TOR2A: variants seen among roughly 807,000 people sequenced by gnomAD.
The protein encoded by TOR2A is prosalusin.
Under a neutral mutation model 28.6 loss-of-function variants are expected in TOR2A, and 24 were observed. That is an observed-to-expected ratio of 0.84 (90% CI 0.61 to 1.18). The LOEUF is 1.18. Ranked by LOEUF, TOR2A falls within the 50% of genes most tolerant of loss-of-function variation. The probability of loss-of-function intolerance (pLI) is 0.00; values close to 1 mark genes in which losing one functional copy is unlikely to be tolerated. For missense variants in TOR2A, 426 were observed against 448.1 expected (o/e 0.95, Z 0.45); for synonymous variants, 203 against 203.1 (o/e 1.00, Z 0.00).
Position 127,735,198 on chromosome 9 carries a change from C to A in TOR2A, c.73G>T (p.Ala25Ser). Residue 25 changes from alanine (A) to serine (S), a missense_variant, in exon 1 of 5, where the codon GCC (alanine) becomes TCC (serine). By Grantham distance (99) the Ala-to-Ser change is moderately conservative. Coordinates refer to ENST00000373284, the MANE Select transcript of TOR2A (RefSeq NM_001085347.3). The stretch of plus-strand genomic sequence containing the variant: ...AGGGAAGCCAGGTCCCAGGCGGCGG[C>A]CGCGGCCGAGACCAGCCCGAGCAGC... ...LGLLGLVSAA[A>S]AAWDLASLRC... 1 of 1,480,834 alleles carries A rather than the reference C, an allele frequency of 6.8e-7. No individual in the cohort carries two copies. The highest frequency in any genetic ancestry group is 8.9e-7 in the Non-Finnish European group (1 of 1,124,088). The allele number at this position is 1,480,834 out of a possible 1,614,324, so 91.7% of individuals were successfully genotyped here.
At chr9:127,733,592 C>T in intron 2 of TOR2A, 32 bp from the exon 3 acceptor site, 1 of 1,564,322 alleles carries the variant, frequency 6.4e-7, no homozygotes, top group South Asian at 1.2e-5. Context: ...TCCAGGGGAG[C>T]TGGAGAAACT....
In TOR2A at chr9:127,732,015, G is replaced by T; in HGVS notation, c.*19C>A. 1 of 1,606,460 alleles carries T rather than the reference G, an allele frequency of 6.2e-7. No individual in the cohort carries two copies. Among genetic ancestry groups the T allele is most frequent in the South Asian group, 1.1e-5 (1 of 90,300 alleles). ...GCATGGCCTGGCCATCAGGGGGGCC[G>T]AGGACACCACTCAGAGAGTCAGAGG... On this transcript the variant is annotated 3_prime_UTR_variant, in exon 5 of 5. Transcript: ENST00000373284.
At position 127,733,843 on chromosome 9, in the gene TOR2A, C is replaced by T. The variant is rs543691802; in HGVS notation, c.418-283G>A. 548 of 485,074 alleles carry T rather than the reference C, an allele frequency of 1.1e-3. 2 individuals carry two copies. Among genetic ancestry groups the T allele is most frequent in the Middle Eastern group, 4.8e-3 (9 of 1,872 alleles). The allele number at this position is 485,074 out of a possible 1,614,324, so 30.0% of individuals were successfully genotyped here. A position where few individuals can be genotyped will look rare whatever the true frequency, so the allele number is the denominator to read the frequency against. On this transcript the variant is annotated intron_variant, in intron 2 of 4. Transcript: ENST00000373284. ...TGCTTTCTATAAAAGGGGAAGGCTC[C>T]TTCCTGCTCCCTGAAACTACACAGC...
Position 127,735,293 on chromosome 9 carries a change from G to A in TOR2A, c.-23C>T. 7.3e-7 allele frequency: 1 copy of A among 1,365,674 alleles called. No individual in the cohort carries two copies. The highest frequency in any genetic ancestry group is 9.4e-7 in the Non-Finnish European group (1 of 1,066,920). The allele number at this position is 1,365,674 out of a possible 1,614,324, so 84.6% of individuals were successfully genotyped here. ...CATCCGGGTGAGGCCCGAGCTCGTT[G>A]TGGGGCAGTCAACTGCCTCGCCCGG... On this transcript the variant is annotated 5_prime_UTR_variant, in exon 1 of 5. Transcript: ENST00000373284.
Position 127,732,130 on chromosome 9 carries a change from A to G in TOR2A, c.870T>C (p.Ala290=), listed in dbSNP as rs1249159948. 7 of 1,613,664 alleles carry G rather than the reference A, an allele frequency of 4.3e-6. No homozygotes were observed. Among genetic ancestry groups the G allele is most frequent in the Non-Finnish European group, 5.9e-6 (7 of 1,180,004 alleles). ...GLEPRDEVVQ[A]VLDSTTFFPE... ...GGAAGAAGGTGGTGCTGTCCAGCAC[A>G]GCCTGGACAACCTCATCCCTTGGCT... Residue 290 remains alanine, a synonymous_variant, in exon 5 of 5, where the codon GCT becomes GCC. Coordinates refer to ENST00000373284, the MANE Select transcript of TOR2A (RefSeq NM_001085347.3).
Position 127,732,693 on chromosome 9 carries a change from T to C in TOR2A, c.594-2A>G, listed in dbSNP as rs1236942788. 2 of 1,561,968 alleles carry C rather than the reference T, an allele frequency of 1.3e-6. No individual in the cohort carries two copies. The highest frequency in any genetic ancestry group is 8.7e-7 in the Non-Finnish European group (1 of 1,153,426). On this transcript the variant is annotated splice_acceptor_variant, in intron 3 of 4. Coordinates refer to ENST00000373284, the MANE Select transcript of TOR2A (RefSeq NM_001085347.3). LOFTEE classifies it high-confidence loss of function. ...TTGATCTGCTTGCCACCCGTGTTGCTAAAACCATGGGGGACCCAGGCTGAG... is the reference window on the plus strand; with the variant it reads ...TTGATCTGCTTGCCACCCGTGTTGCCAAAACCATGGGGGACCCAGGCTGAG...
At chr9:127,734,642 T>C in intron 1 of TOR2A, 78 bp from the exon 2 acceptor site, 1 of 1,387,492 alleles carries the variant, frequency 7.2e-7, no homozygotes, top group East Asian at 2.8e-5. Context: ...TGGAACCTGG[T>C]CTGGGACTCC....
Position 127,734,360 on chromosome 9 carries a change from C to G in TOR2A, c.356G>C (p.Arg119Pro). 2 of 1,611,514 alleles carry G rather than the reference C, an allele frequency of 1.2e-6. No homozygotes were observed. The highest frequency in any genetic ancestry group is 1.7e-6 in the Non-Finnish European group (2 of 1,179,178). The change falls in exon 2 of 5, where the codon CGC becomes CCC. Residue 119 changes from arginine (R) to proline (P), a missense_variant. Coordinates refer to ENST00000373284, the MANE Select transcript of TOR2A (RefSeq NM_001085347.3). ...GAGGACGGGAGAAAAGTGGTGCACG[C>G]GGGGGCTGCGGAGGCCGCCCTGGAA... ...YLFQGGLRSP[R>P]VHHFSPVLHF... is the part of the protein sequence containing the mutation.
In TOR2A at chr9:127,732,587, C is replaced by T. The variant is rs1273135616; in HGVS notation, c.698G>A (p.Arg233His). ...LLQELEPVISRAVLDNPHHGF... is the reference protein window; with the variant it reads ...LLQELEPVISHAVLDNPHHGF... Reference sequence around the variant, plus strand: ...ACGGTGCGGGTTGTCCAGCACCGCGCGGGAGATGACCGGCTCCAGCTCCTG... The same window carrying T: ...ACGGTGCGGGTTGTCCAGCACCGCGTGGGAGATGACCGGCTCCAGCTCCTG... The change falls in exon 4 of 5, where the codon CGC (arginine) becomes CAC (histidine). Residue 233 changes from arginine (R) to histidine (H), a missense_variant. Physicochemically the swap from Arg to His is conservative, Grantham distance 29 (BLOSUM62 0). Coordinates refer to ENST00000373284, the MANE Select transcript of TOR2A (RefSeq NM_001085347.3). 7 of 1,590,412 alleles carry T rather than the reference C, an allele frequency of 4.4e-6. No individual in the cohort carries two copies. The highest frequency in any genetic ancestry group is 1.3e-5 in the African/African-American group (1 of 74,740).
rs1418392380 is a variant in TOR2A at position 127,731,909 on chromosome 9, T to C, written c.*125A>G. The C allele has an allele frequency of 4.0e-6, 6 of 1,496,616 alleles. No homozygotes were observed. Among genetic ancestry groups the C allele is most frequent in the Admixed American group, 2.4e-5 (1 of 41,548 alleles). The allele number at this position is 1,496,616 out of a possible 1,614,324, so 92.7% of individuals were successfully genotyped here. A position where few individuals can be genotyped will look rare whatever the true frequency, so the allele number is the denominator to read the frequency against. Reference sequence around the variant, plus strand: ...TAGAGGCCAGGGCCCTTCCTGGCCATCTGTCCCGTGGCCTAGCCGACACTC... The same window carrying C: ...TAGAGGCCAGGGCCCTTCCTGGCCACCTGTCCCGTGGCCTAGCCGACACTC... On this transcript the variant is annotated 3_prime_UTR_variant, in exon 5 of 5. Transcript: ENST00000373284.
chr9:127,732,336 C>T, intron 4 of TOR2A, 58 bp from the exon 5 acceptor site: 2 of 1,517,008 alleles, frequency 1.3e-6, no homozygotes, highest in Non-Finnish European at 8.8e-7. Flanking sequence ...GAGAAGCCGG[C>T]CCCAAACCCC....
At chr9:127,734,931 G>C (rs1000347414) in intron 1 of TOR2A, 189 bp downstream of exon 1, 41 of 840,766 alleles carry the variant, frequency 4.9e-5, no homozygotes, top group Non-Finnish European at 6.6e-5. Flanking sequence ...CCTCTCTCCA[G>C]GTTGGCAGGG....
chr9:127,733,591 G>GTTTCTCCAGCTCCC, intron 2 of TOR2A, 31 bp from the exon 3 acceptor site: 1 of 1,568,694 alleles, frequency 6.4e-7, no homozygotes, highest in Non-Finnish European at 8.6e-7. Context: ...TTCCAGGGGA[G>GTTTCTCCAGCTCCC]CTGGAGAAAC....
Position 127,732,581 on chromosome 9 carries a change from A to G in TOR2A, c.704T>C (p.Val235Ala). Residue 235 changes from valine (V) to alanine (A), a missense_variant, in exon 4 of 5, where the codon GTG becomes GCG. By Grantham distance (64) the Val-to-Ala change is moderately conservative (BLOSUM62 0). Transcript: ENST00000373284. ...AGACTCACGGTGCGGGTTGTCCAGC[A>G]CCGCGCGGGAGATGACCGGCTCCAG... ...QELEPVISRA[V>A]LDNPHHGFSN... The G allele has an allele frequency of 6.3e-7, 1 of 1,590,610 alleles. No individual in the cohort carries two copies. Among genetic ancestry groups the G allele is most frequent in the Admixed American group, 1.7e-5 (1 of 57,218 alleles).
rs1844448288 is a variant in TOR2A at position 127,732,003 on chromosome 9, A to G, written c.*31T>C. 4 of 1,598,124 alleles carry G rather than the reference A, an allele frequency of 2.5e-6. No homozygotes were observed. Among genetic ancestry groups the G allele is most frequent in the Non-Finnish European group, 2.6e-6 (3 of 1,171,132 alleles). On this transcript the variant is annotated 3_prime_UTR_variant, in exon 5 of 5. Transcript: ENST00000373284. ...CTGGCCTTTCCTGCATGGCCTGGCC[A>G]TCAGGGGGGCCGAGGACACCACTCA...
intron 2 of TOR2A, 132 bp downstream of exon 2, chr9:127,734,167 G>T: frequency 8.1e-7 from 1 of 1,227,176 alleles, no homozygotes; most frequent in Non-Finnish European, 1.1e-6. Context: ...TTCTGTGCAG[G>T]ATGGGTCCTG....
rs774385889 is a variant in TOR2A at position 127,732,517 on chromosome 9, G to A, written c.721+47C>T. 2.6e-6 allele frequency: 4 copies of A among 1,537,854 alleles called. No homozygotes were observed. In the South Asian group the frequency reaches 4.9e-5, roughly 19 times the overall value. ...AGACCCCGGGAGAGCCTGGCCCCTG[G>A]GTGTGGGGTGAAGCTGCCCGGGAGG... On this transcript the variant is annotated intron_variant, in intron 4 of 4. Transcript: ENST00000373284.
At chr9:127,733,807 AC>A in intron 2 of TOR2A, 1 of 536,422 alleles carries the variant, frequency 1.9e-6, no homozygotes. Context: ...AGCTCCTTCC[AC>A]GACACTTGCT....
intron 4 of TOR2A, 69 bp from the exon 5 acceptor site, chr9:127,732,347 C>A (rs1423860685): frequency 9.3e-6 from 14 of 1,509,924 alleles, no homozygotes; most frequent in Non-Finnish European, 1.1e-5. Context: ...CCCAAACCCC[C>A]AGGGGCAGGA....
Sources: gnomAD v4.1 joint callset for allele counts on GRCh38, gnomAD v4.1.1 for gene constraint, MANE v1.5 for transcripts, NCBI Gene and HGNC (gene_info 2026-07-23, HGNC 2026-07-21) for gene names.